Variants in CACNB2 observed in about 807,000 individuals in gnomAD.
CACNB2 encodes voltage-dependent L-type calcium channel subunit beta-2.
Under a neutral mutation model 73.3 loss-of-function variants are expected in CACNB2, and 42 were observed. That is an observed-to-expected ratio of 0.57 (90% CI 0.45 to 0.74). The LOEUF is 0.74. CACNB2 is among the 30% of genes least tolerant of loss of function. The pLI is 0.00. For missense variants in CACNB2, 940 were observed against 853.0 expected, an observed-to-expected ratio of 1.10 and a Z score of -1.27; for synonymous variants, 348 against 310.3, an observed-to-expected ratio of 1.12 and a Z score of -1.28.
At chr10:18,458,151 A>T (rs1227146192) in intron 3 of CACNB2, among the ~76,000 whole-genome samples, 2 of 152,230 alleles carry the variant, frequency 1.3e-5, no homozygotes, top group Admixed American at 6.5e-5. Flanking sequence ...ATTTTAGACT[A>T]TGCAAACATT....
At chr10:18,378,471 G>A (rs903330295) in intron 2 of CACNB2, among the ~76,000 whole-genome samples, 31 of 152,142 alleles carry the variant, frequency 2.0e-4, no homozygotes, top group African/African-American at 7.2e-4. Flanking sequence ...ACAGTTGGCC[G>A]GGCATGGTGG....
chr10:18,298,891 A>G (rs17682889), intron 2 of CACNB2, among the ~76,000 whole-genome samples: 8,550 of 152,158 alleles, frequency 0.056, 333 homozygotes, highest in Non-Finnish European at 0.088. Flanking sequence ...GAGCTCTTAG[A>G]TGGAGACGAG....
chr10:18,399,636 G>T (rs183320364), intron 2 of CACNB2, among the ~76,000 whole-genome samples: 4 of 152,094 alleles, frequency 2.6e-5, no homozygotes, highest in Non-Finnish European at 5.9e-5. Flanking sequence ...TCCCACTTTG[G>T]CCTCCCAGAG....
chr10:18,514,860 A>G lies in CACNB2; in HGVS notation c.804+491A>G, dbSNP rs1472900780. 25 of 755,742 alleles carry G rather than the reference A, an allele frequency of 3.3e-5. No individual in the cohort carries two copies. In the Admixed American group the frequency reaches 5.3e-4, roughly 16 times the overall value. The allele number at this position is 755,742 out of a possible 1,614,324, so 46.8% of individuals were successfully genotyped here. On this transcript the variant is annotated intron_variant, in intron 7 of 13. Coordinates refer to ENST00000324631, the MANE Select transcript of CACNB2 (RefSeq NM_201596.3). ...CTTTTATCCAGAAATTTAACTTATGATCAAACATATTAAAGCAGTTATTAA... is the reference window on the plus strand; with the variant it reads ...CTTTTATCCAGAAATTTAACTTATGGTCAAACATATTAAAGCAGTTATTAA...
rs915863232 is a variant in CACNB2, at chr10:18,535,419, C to T, written c.1207-682C>T. ...GAAGCAAACAGGAGACTGCAATTGT[C>T]TTCTATGAAGCCAGCCAGCCAGCCA... is the stretch of plus-strand genomic sequence containing the variant. On this transcript the variant is annotated intron_variant, in intron 11 of 13. Coordinates refer to ENST00000324631, the MANE Select transcript of CACNB2 (RefSeq NM_201596.3). Among the ~76,000 whole-genome samples the T allele has an allele frequency of 7.9e-5, 12 of 152,160 alleles. No homozygotes were observed. In the East Asian group the frequency reaches 2.3e-3, roughly 29 times the overall value.
chr10:18,428,794 G>A (rs988735675), intron 3 of CACNB2, among the ~76,000 whole-genome samples: 1 of 152,030 alleles, frequency 6.6e-6, no homozygotes, highest in Non-Finnish European at 1.5e-5. Flanking sequence ...TTGTTTAAAT[G>A]GATACCTTAG....
At chr10:18,429,807 C>CG (rs1355630987) in intron 3 of CACNB2, among the ~76,000 whole-genome samples, 13 of 67,064 alleles carry the variant, frequency 1.9e-4, no homozygotes, top group East Asian at 9.6e-4. Context: ...CCGTCTCTAC[C>CG]GAAAAAAAAA....
chr10:18,191,844 G>C (rs569141848), intron 2 of CACNB2, among the ~76,000 whole-genome samples: 66 of 152,080 alleles, frequency 4.3e-4, no homozygotes, highest in Non-Finnish European at 7.3e-4. Context: ...ATTGATTCAT[G>C]GACATTTGTG....
chr10:18,415,815 A>G (rs544521795), intron 3 of CACNB2, among the ~76,000 whole-genome samples: 1 of 152,312 alleles, frequency 6.6e-6, no homozygotes, highest in East Asian at 1.9e-4. Context: ...AGTATTTCAC[A>G]CTGTTGTGCC....
chr10:18,433,661 A>G (rs779232749), intron 3 of CACNB2, among the ~76,000 whole-genome samples: 4 of 148,698 alleles, frequency 2.7e-5, no homozygotes, highest in South Asian at 2.2e-4. Flanking sequence ...TTTAAGGTTT[A>G]TAACTATATT....
In CACNB2 at chr10:18,140,724, C is replaced by A. The variant is rs1177630451; in HGVS notation, c.-13C>A. The A allele has an allele frequency of 3.1e-6, 5 of 1,588,272 alleles. No homozygotes were observed. In the South Asian group the frequency reaches 5.7e-5, roughly 18 times the overall value. On this transcript the variant is annotated 5_prime_UTR_variant, in exon 1 of 14. Transcript: ENST00000324631. ...GGGGGCTGGCTGCTTCGCTCCGAGCCGACTTTTCGCCAATGGTCCAAAGGG... is the reference window on the plus strand; with the variant it reads ...GGGGGCTGGCTGCTTCGCTCCGAGCAGACTTTTCGCCAATGGTCCAAAGGG...
At chr10:18,318,788 A>G (rs2040289608) in intron 2 of CACNB2, among the ~76,000 whole-genome samples, 1 of 152,240 alleles carries the variant, frequency 6.6e-6, no homozygotes, top group South Asian at 2.1e-4. Flanking sequence ...AAAGTGGGCC[A>G]AGGATATAAA....
In CACNB2 at chr10:18,442,493, T is replaced by G. The variant is rs186703776; in HGVS notation, c.333+40450T>G. On this transcript the variant is annotated intron_variant, in intron 3 of 13. Transcript: ENST00000324631. The stretch of plus-strand genomic sequence containing the variant: ...GCTCAGGCAGAGTAATCGTATTACC[T>G]TTTTTTTGTTGTTGTCATAAAATAA... Among the ~76,000 whole-genome samples, 594 of 143,244 alleles carry G rather than the reference T, an allele frequency of 4.1e-3. 2 individuals carry two copies. Among genetic ancestry groups the G allele is most frequent in the Admixed American group, 8.0e-3 (118 of 14,746 alleles). The allele number at this position is 143,244 out of a possible 152,430, so 94.0% of individuals were successfully genotyped here.
chr10:18,353,730 G>T (rs2041806824), intron 2 of CACNB2, among the ~76,000 whole-genome samples: 1 of 152,122 alleles, frequency 6.6e-6, no homozygotes, highest in Admixed American at 6.6e-5. Context: ...TATAAATTTG[G>T]ATTACCAGCT....
chr10:18,339,464 T>A (rs1408046605), intron 2 of CACNB2, among the ~76,000 whole-genome samples: 1 of 152,120 alleles, frequency 6.6e-6, no homozygotes, highest in Non-Finnish European at 1.5e-5. Context: ...GAGGTTGCAG[T>A]GAGCCGAGAT....
At chr10:18,459,044 C>A (rs193247403) in intron 3 of CACNB2, among the ~76,000 whole-genome samples, 1 of 152,240 alleles carries the variant, frequency 6.6e-6, no homozygotes, top group South Asian at 2.1e-4. Context: ...GGATTACAGG[C>A]GCGAGCCACT....
intron 3 of CACNB2, among the ~76,000 whole-genome samples, chr10:18,461,150 C>T (rs186074593): frequency 6.6e-6 from 1 of 152,088 alleles, no homozygotes; most frequent in Non-Finnish European, 1.5e-5. Context: ...CCATCCTTAC[C>T]TGATCTGCAC....
At chr10:18,474,754 C>A (rs1409202) in intron 3 of CACNB2, among the ~76,000 whole-genome samples, 19,806 of 151,970 alleles carry the variant, frequency 0.13, 1,409 homozygotes, top group Admixed American at 0.18. Flanking sequence ...ATTCTTCCAA[C>A]AACAGATGTG....
rs868327961 is a variant in CACNB2 at position 18,144,222 on chromosome 10, C to T, written c.120+3366C>T. ...CCTCCTCAGTAGCTAGGACTACAGGCGCCCGCCACCATGCTCAGCTAATTT... is the reference window on the plus strand; with the variant it reads ...CCTCCTCAGTAGCTAGGACTACAGGTGCCCGCCACCATGCTCAGCTAATTT... On this transcript the variant is annotated intron_variant, in intron 1 of 13. Transcript: ENST00000324631. Among the ~76,000 whole-genome samples, 122 of 152,260 alleles carry T rather than the reference C, an allele frequency of 8.0e-4. No homozygotes were observed. The Middle Eastern group carries it at 0.01, about 13-fold the overall frequency.
Sources: gnomAD v4.1 joint callset for allele counts (sites outside exome capture counted in the v4.1 genomes callset) on GRCh38, gnomAD v4.1.1 for gene constraint, MANE v1.5 for transcripts, NCBI Gene and HGNC (gene_info 2026-07-23, HGNC 2026-07-21) for gene names.